PPP2R2C: variants seen among roughly 807,000 people sequenced by gnomAD.
The protein encoded by PPP2R2C is protein phosphatase 2 regulatory subunit Bgamma, also known as protein phosphatase 2, regulatory subunit B, gamma.
Under a neutral mutation model 45.3 loss-of-function variants are expected in PPP2R2C, and 10 were observed. The ratio of observed to expected loss-of-function variants is 0.22; its 90% CI spans 0.14 to 0.37. The LOEUF (loss-of-function observed/expected upper bound fraction) is 0.37, where lower values mean the gene tolerates loss of function less well. Among genes scored for constraint, PPP2R2C ranks in the 10% least tolerant of loss-of-function variants. PPP2R2C has a pLI of 1.00. For synonymous variants in PPP2R2C, 257 were observed against 245.4 expected (o/e 1.05, Z -0.44); for missense variants, 308 against 619.7 (o/e 0.50, Z 5.34).
rs952882751 is a variant in PPP2R2C at position 6,330,873 on chromosome 4, A to G, written c.961-1520T>C. On this transcript the variant is annotated intron_variant, in intron 7 of 8. Transcript: ENST00000382599. This position sits in a 1 kb window ranked among gnomAD's most constrained non-coding sequence, Gnocchi z 7.0. ...CCTGGGGCCCTGCTCATCCCTCCCC[A>G]GCCCCCGTGTCCTCCTGGTGACCCT... 3.3e-5 allele frequency among the ~76,000 whole-genome samples: 5 copies of G among 152,134 alleles called. No homozygotes were observed. The highest frequency in any genetic ancestry group is 1.2e-4 in the African/African-American group (5 of 41,432).
chr4:6,377,211 C>T (rs757205377), intron 3 of PPP2R2C, among the ~76,000 whole-genome samples: 5 of 152,166 alleles, frequency 3.3e-5, no homozygotes, highest in African/African-American at 4.8e-5. Flanking sequence ...GACAGCACCT[C>T]GAAGCCTGGC....
chr4:6,557,097 A>C (rs74667091), intron 1 of PPP2R2C, among the ~76,000 whole-genome samples: 3,700 of 152,304 alleles, frequency 0.024, 147 homozygotes, highest in African/African-American at 0.085. Flanking sequence ...GATTCAAGGT[A>C]CCAGCCTTCA....
At chr4:6,399,393 C>T (rs960738072) in intron 1 of PPP2R2C, among the ~76,000 whole-genome samples, 1 of 152,182 alleles carries the variant, frequency 6.6e-6, no homozygotes, top group Non-Finnish European at 1.5e-5. Context: ...AGTCCACCAC[C>T]CAAGCAATCG....
intron 1 of PPP2R2C, among the ~76,000 whole-genome samples, chr4:6,543,169 G>T (rs1724861411): frequency 1.3e-5 from 2 of 152,204 alleles, no homozygotes; most frequent in African/African-American, 2.4e-5. Context: ...CCCAAGGCAG[G>T]ACGGCGTGGA....
In PPP2R2C at chr4:6,472,265, C is replaced by T; in HGVS notation, c.-36G>A. On this transcript the variant is annotated 5_prime_UTR_variant, in exon 1 of 9. Transcript: ENST00000382599. ...GCCCGGTGCTCTGGGCATGCCCCGC[C>T]GCCACACACCGATGCAATCCGCAGA... The T allele has an allele frequency of 6.2e-7, 1 of 1,611,246 alleles. No individual in the cohort carries two copies. The highest frequency in any genetic ancestry group is 8.5e-7 in the Non-Finnish European group (1 of 1,178,560).
At chr4:6,542,523 GTC>G (rs1345408544) in intron 1 of PPP2R2C, among the ~76,000 whole-genome samples, 1 of 151,924 alleles carries the variant, frequency 6.6e-6, no homozygotes, top group East Asian at 1.9e-4. Flanking sequence ...ACGAAACCCT[GTC>G]TCTACTAAAA....
intron 1 of PPP2R2C, among the ~76,000 whole-genome samples, chr4:6,456,489 A>G (rs1342603855): frequency 6.6e-6 from 1 of 152,238 alleles, no homozygotes; most frequent in Admixed American, 6.5e-5. Flanking sequence ...GCTTCAATAA[A>G]GAGCCTTACC....
At chr4:6,384,138 C>T (rs1716055921) in intron 1 of PPP2R2C, 1 of 985,410 alleles carries the variant, frequency 1.0e-6, no homozygotes, top group African/African-American at 1.7e-5. Flanking sequence ...GTGGGGCAGC[C>T]TGCCCTGGCC....
upstream of PPP2R2C, among the ~76,000 whole-genome samples, chr4:6,473,947 C>T (rs115643508): frequency 2.1e-3 from 314 of 152,266 alleles, 2 homozygotes; most frequent in African/African-American, 7.2e-3. Context: ...GGGGAGAGGC[C>T]CTGGGGCCCT....
chr4:6,416,330 C>T (rs1406519542), intron 1 of PPP2R2C, among the ~76,000 whole-genome samples: 3 of 152,206 alleles, frequency 2.0e-5, no homozygotes, highest in Non-Finnish European at 4.4e-5. Context: ...TAAAGTCACA[C>T]TGCTACCAAG....
intron 2 of PPP2R2C, among the ~76,000 whole-genome samples, chr4:6,534,780 T>G (rs928117546): frequency 1.3e-5 from 2 of 152,192 alleles, no homozygotes; most frequent in South Asian, 4.1e-4. Flanking sequence ...GGATTTCTCA[T>G]GGCACTCGCC....
intron 2 of PPP2R2C, among the ~76,000 whole-genome samples, chr4:6,486,647 T>C (rs1722538062): frequency 6.6e-6 from 1 of 152,122 alleles, no homozygotes; most frequent in South Asian, 2.1e-4. Flanking sequence ...AGATCTACTT[T>C]GAGATTAATA....
rs555668618 is a variant in PPP2R2C at position 6,334,672 on chromosome 4, T to C, written c.791-941A>G. ...GGCCACAGAGAGACCCAGGGAACGA[T>C]GGGAAGAGAACAGGGTGGTGGAGTT... On this transcript the variant is annotated intron_variant, in intron 6 of 8. Coordinates refer to ENST00000382599, the MANE Select transcript of PPP2R2C (RefSeq NM_020416.4). Among the ~76,000 whole-genome samples the C allele has an allele frequency of 7.2e-5, 11 of 152,256 alleles. No individual in the cohort carries two copies. In the South Asian group the frequency reaches 2.3e-3, roughly 32 times the overall value.
At chr4:6,388,988 C>G (rs1716418868) in intron 1 of PPP2R2C, among the ~76,000 whole-genome samples, 1 of 152,056 alleles carries the variant, frequency 6.6e-6, no homozygotes, top group South Asian at 2.1e-4. Context: ...GCTTTCTTCT[C>G]CACGTGCCAC....
chr4:6,356,211 G>C (rs1272479847), intron 5 of PPP2R2C, among the ~76,000 whole-genome samples: 1 of 152,134 alleles, frequency 6.6e-6, no homozygotes, highest in Non-Finnish European at 1.5e-5. Context: ...TTGTTCTACT[G>C]TTTATATCCC....
chr4:6,460,932 C>A (rs1200663635), intron 1 of PPP2R2C, among the ~76,000 whole-genome samples: 3 of 152,166 alleles, frequency 2.0e-5, no homozygotes, highest in Non-Finnish European at 4.4e-5. Flanking sequence ...ACTTCCCATC[C>A]CGCTCCAGCT....
In PPP2R2C at chr4:6,378,651, G is replaced by T; in HGVS notation, c.169-79C>A. On this transcript the variant is annotated intron_variant, in intron 2 of 8. Transcript: ENST00000382599. The surrounding 1 kb of genome is among the most constrained non-coding windows in gnomAD (Gnocchi z 5.2). ...CTAGGACCTCCGGGGACCCAGCAGG[G>T]CCGGCCGTGGGACCAAGTGCCGAGC... The T allele has an allele frequency of 6.8e-7, 1 of 1,469,936 alleles. No individual in the cohort carries two copies. The allele number at this position is 1,469,936 out of a possible 1,614,324, so 91.1% of individuals were successfully genotyped here.
chr4:6,366,582 AG>A (rs1714329852), intron 5 of PPP2R2C, among the ~76,000 whole-genome samples: 1 of 152,174 alleles, frequency 6.6e-6, no homozygotes, highest in Non-Finnish European at 1.5e-5. Context: ...GCAGCCAAGG[AG>A]CCGCAGGCTT....
At position 6,323,368 on chromosome 4, in the gene PPP2R2C, G is replaced by A; in HGVS notation, c.1278C>T (p.Ile426=). The part of the protein sequence containing the change: ...LHTAWHPAEN[I]IAIAATNNLY... Reference sequence around the variant, plus strand: ...GGTTGTTGGTGGCGGCGATGGCAATGATGTTCTCAGCCGGGTGCCAGGCCG... The same window carrying A: ...GGTTGTTGGTGGCGGCGATGGCAATAATGTTCTCAGCCGGGTGCCAGGCCG... Residue 426 remains isoleucine (I), a synonymous_variant, in exon 9 of 9, where the codon ATC becomes ATT. Coordinates refer to ENST00000382599, the MANE Select transcript of PPP2R2C (RefSeq NM_020416.4). 6.2e-7 allele frequency: 1 copy of A among 1,613,888 alleles called. No homozygotes were observed. Among genetic ancestry groups the A allele is most frequent in the Non-Finnish European group, 8.5e-7 (1 of 1,179,794 alleles).
Sources: allele counts gnomAD v4.1 joint callset (sites outside exome capture counted in the v4.1 genomes callset), GRCh38; gene constraint gnomAD v4.1.1; non-coding constraint Gnocchi (gnomAD v3.1); transcripts MANE v1.5; gene names NCBI Gene and HGNC (gene_info 2026-07-23, HGNC 2026-07-21).